Variants in METTL15 observed in about 807,000 individuals in gnomAD.
METTL15 encodes the protein 12S rRNA N(4)-cytidine methyltransferase METTL15.
A neutral mutation model predicts 38.3 loss-of-function variants in METTL15; 34 were observed. The ratio of observed to expected loss-of-function variants is 0.89; its 90% CI spans 0.68 to 1.18. METTL15 has a LOEUF of 1.18. METTL15 is among the 50% of genes most tolerant of loss of function. The pLI is 0.00. For synonymous variants in METTL15, 162 were observed against 170.9 expected (o/e 0.95, Z 0.41); for missense variants, 438 against 498.4 (o/e 0.88, Z 1.15).
chr11:28,226,493 C>G (rs1322391871), intron 4 of METTL15, among the ~76,000 whole-genome samples: 1 of 151,950 alleles, frequency 6.6e-6, no homozygotes, highest in Non-Finnish European at 1.5e-5. Flanking sequence ...GAACTACCCA[C>G]ATGATCTAAG....
chr11:28,376,464 T>G (rs898242814), intron 5 of METTL15, among the ~76,000 whole-genome samples: 35 of 152,198 alleles, frequency 2.3e-4, no homozygotes, highest in African/African-American at 8.4e-4. Flanking sequence ...TAAAATCTGT[T>G]TTATCAGAGA....
chr11:28,337,410 T>G (rs988976900), downstream of METTL15, among the ~76,000 whole-genome samples: 1 of 152,060 alleles, frequency 6.6e-6, no homozygotes, highest in African/African-American at 2.4e-5. Context: ...GAGACATGCA[T>G]GTAAAGCAGT....
chr11:28,512,155 C>A (rs1198353726), intron 6 of METTL15, among the ~76,000 whole-genome samples: 1 of 152,308 alleles, frequency 6.6e-6, no homozygotes, highest in East Asian at 1.9e-4. Flanking sequence ...CAAAGGTTCT[C>A]CAAGTCCCCA....
intron 4 of METTL15, among the ~76,000 whole-genome samples, chr11:28,275,682 G>A (rs1378409462): frequency 2.0e-5 from 3 of 148,144 alleles, no homozygotes; most frequent in Non-Finnish European, 4.5e-5. Flanking sequence ...GCCCTGATTA[G>A]CATAGATGCA....
intron 5 of METTL15, among the ~76,000 whole-genome samples, chr11:28,411,841 A>T (rs960815737): frequency 6.6e-6 from 1 of 152,090 alleles, no homozygotes; most frequent in Non-Finnish European, 1.5e-5. Context: ...CAAGCCACTT[A>T]TCTGATGAGG....
Position 28,501,552 on chromosome 11 carries a change from G to C in METTL15, c.*425-24926G>C, listed in dbSNP as rs139239707. 4.6e-5 allele frequency among the ~76,000 whole-genome samples: 7 copies of C among 152,264 alleles called. No homozygotes were observed. In the East Asian group the frequency reaches 1.4e-3, roughly 29 times the overall value. ...TGGTTCTGTAGTTGATGACTGCAAG[G>C]AGGTTACAATTGGCTTTTGGTGGCG... On this transcript the variant is annotated intron_variant and NMD_transcript_variant, in intron 6 of 7. Transcript: ENST00000532947.
chr11:28,409,030 A>G (rs957379383), intron 5 of METTL15, among the ~76,000 whole-genome samples: 2 of 152,182 alleles, frequency 1.3e-5, no homozygotes, highest in African/African-American at 4.8e-5. Flanking sequence ...TTTAGTACAT[A>G]TGGAACATTC....
chr11:28,232,784 T>C (rs1160167942), intron 4 of METTL15, among the ~76,000 whole-genome samples: 1 of 152,026 alleles, frequency 6.6e-6, no homozygotes, highest in Non-Finnish European at 1.5e-5. Flanking sequence ...TAAGAGATAT[T>C]GCTGCTGACA....
chr11:28,296,662 G>T, intron 5 of METTL15, 91 bp from the exon 6 acceptor site: 2 of 1,327,562 alleles, frequency 1.5e-6, no homozygotes, highest in Middle Eastern at 2.7e-4. Flanking sequence ...GTATGTGTGT[G>T]TGTCTGACTT....
chr11:28,299,630 G>A (rs539760260), intron 6 of METTL15, among the ~76,000 whole-genome samples: 1 of 152,178 alleles, frequency 6.6e-6, no homozygotes, highest in East Asian at 1.9e-4. Flanking sequence ...GGTTAAATCT[G>A]TCCAGTCCAA....
chr11:28,502,816 A>G (rs1005817312), intron 6 of METTL15, among the ~76,000 whole-genome samples: 1 of 152,152 alleles, frequency 6.6e-6, no homozygotes, highest in African/African-American at 2.4e-5. Context: ...AGCAGAACTT[A>G]TGGGTCTTCT....
intron 6 of METTL15, among the ~76,000 whole-genome samples, chr11:28,466,953 TTTTG>T (rs1243275590): frequency 3.9e-5 from 6 of 152,180 alleles, no homozygotes; most frequent in Non-Finnish European, 8.8e-5. Flanking sequence ...GGGAGGTTTC[TTTTG>T]TTTGTTTGTT....
chr11:28,189,782 A>T (rs1180784663), intron 3 of METTL15, among the ~76,000 whole-genome samples: 2 of 151,252 alleles, frequency 1.3e-5, no homozygotes. Context: ...TAGGAGCCAT[A>T]CAAGAGTATT....
At chr11:28,152,450 A>G (rs1850123305) in intron 3 of METTL15, among the ~76,000 whole-genome samples, 1 of 152,036 alleles carries the variant, frequency 6.6e-6, no homozygotes. Context: ...TGATAGCCAT[A>G]TGATGGTCAC....
chr11:28,172,919 T>C (rs553813680), intron 3 of METTL15, among the ~76,000 whole-genome samples: 6 of 152,308 alleles, frequency 3.9e-5, no homozygotes, highest in South Asian at 2.1e-4. Flanking sequence ...TCCTTTCTTC[T>C]TTCACATTTC....
chr11:28,288,341 G>A (rs1017490666), intron 4 of METTL15, among the ~76,000 whole-genome samples: 33 of 152,026 alleles, frequency 2.2e-4, no homozygotes, highest in Admixed American at 2.6e-4. Context: ...ATAAATTGTT[G>A]TATTGTAAAG....
intron 6 of METTL15, among the ~76,000 whole-genome samples, chr11:28,498,376 T>C (rs1320460806): frequency 6.6e-6 from 1 of 152,096 alleles, no homozygotes; most frequent in Non-Finnish European, 1.5e-5. Flanking sequence ...GCCAGGATGG[T>C]CTCGATCTCC....
chr11:28,453,871 G>T (rs1216933755), intron 6 of METTL15, among the ~76,000 whole-genome samples: 1 of 152,186 alleles, frequency 6.6e-6, no homozygotes, highest in African/African-American at 2.4e-5. Context: ...TGGTTGGTTG[G>T]TTGTTTTCCT....
chr11:28,133,276 T>C (rs554058453), intron 3 of METTL15, among the ~76,000 whole-genome samples: 2 of 152,122 alleles, frequency 1.3e-5, no homozygotes, highest in Non-Finnish European at 2.9e-5. Flanking sequence ...AAAGGGAGCG[T>C]TTTTTACTAC....
Sources: gnomAD v4.1 joint callset for allele counts (sites outside exome capture counted in the v4.1 genomes callset) on GRCh38, gnomAD v4.1.1 for gene constraint, MANE v1.5 for transcripts, NCBI Gene and HGNC (gene_info 2026-07-23, HGNC 2026-07-21) for gene names.